CAMK2A: variants seen among roughly 807,000 people sequenced by gnomAD.
The protein encoded by CAMK2A is calcium/calmodulin-dependent protein kinase type II subunit alpha.
A neutral mutation model predicts 79.2 loss-of-function variants in CAMK2A; 7 were observed. The ratio of observed to expected loss-of-function variants is 0.09; its 90% CI spans 0.05 to 0.17. The LOEUF (loss-of-function observed/expected upper bound fraction) is 0.17. Among genes scored for constraint, CAMK2A ranks in the 10% least tolerant of loss-of-function variants. The pLI is 1.00. For missense variants in CAMK2A, 214 were observed against 646.4 expected (o/e 0.33, Z 7.25); for synonymous variants, 242 against 251.7 (o/e 0.96, Z 0.36).
chr5:150,245,789 C>A (rs1755542789), intron 12 of CAMK2A, among the ~76,000 whole-genome samples: 1 of 152,218 alleles, frequency 6.6e-6, no homozygotes, highest in African/African-American at 2.4e-5. Flanking sequence ...ACCTCAGACT[C>A]CAGAGCCCCA....
chr5:150,261,075 T>C (rs1756286601), intron 3 of CAMK2A, among the ~76,000 whole-genome samples: 1 of 141,520 alleles, frequency 7.1e-6, no homozygotes, highest in South Asian at 2.2e-4. Flanking sequence ...CCTCAGCCCC[T>C]TTAGAGAATG....
rs184139362 is a variant in CAMK2A at position 150,236,287 on chromosome 5, A to T, written c.1066+2413T>A. 9.2e-5 allele frequency among the ~76,000 whole-genome samples: 14 copies of T among 152,298 alleles called. No homozygotes were observed. The East Asian group carries it at 2.5e-3, about 27-fold the overall frequency. On this transcript the variant is annotated intron_variant, in intron 15 of 18. Coordinates refer to ENST00000671881, the MANE Select transcript of CAMK2A (RefSeq NM_015981.4). ...TATTCCAAATATTTCTCTCTCTAAC[A>T]TTTAAATTTGTCTTAAAATAATCTT...
chr5:150,289,084 A>G, intron 1 of CAMK2A, among the ~76,000 whole-genome samples: 1 of 152,168 alleles, frequency 6.6e-6, no homozygotes, highest in Non-Finnish European at 1.5e-5. Context: ...CTGTACAGTC[A>G]CTGTGGGTGT....
chr5:150,277,825 C>T (rs572828298), intron 1 of CAMK2A, among the ~76,000 whole-genome samples: 4 of 152,320 alleles, frequency 2.6e-5, no homozygotes, highest in African/African-American at 9.6e-5. Flanking sequence ...ACTAAGCACC[C>T]TTTTGATCCT....
chr5:150,267,434 A>C (rs1455832181), intron 2 of CAMK2A, among the ~76,000 whole-genome samples: 1 of 152,242 alleles, frequency 6.6e-6, no homozygotes, highest in Non-Finnish European at 1.5e-5. Flanking sequence ...AGGAGCAGAG[A>C]ATATTGACAG....
chr5:150,221,167 T>A lies in CAMK2A; in HGVS notation c.*1543A>T, dbSNP rs1754288169. 1 of 338,658 alleles carries A rather than the reference T, an allele frequency of 3.0e-6. No homozygotes were observed. Among genetic ancestry groups the A allele is most frequent in the Non-Finnish European group, 5.3e-6 (1 of 189,034 alleles). The allele number at this position is 338,658 out of a possible 1,614,324, so 21.0% of individuals were successfully genotyped here. A position where few individuals can be genotyped will look rare whatever the true frequency, so the allele number is the denominator to read the frequency against. ...CATGTAGATTGGTTTTGTTGAGTGTTTTCTTCTTTTTGTTTGTTTTCAACA... is the reference window on the plus strand; with the variant it reads ...CATGTAGATTGGTTTTGTTGAGTGTATTCTTCTTTTTGTTTGTTTTCAACA... On this transcript the variant is annotated 3_prime_UTR_variant, in exon 19 of 19. Transcript: ENST00000671881.
At position 150,256,494 on chromosome 5, in the gene CAMK2A, G is replaced by T; in HGVS notation, c.411+79C>A. Reference sequence around the variant, plus strand: ...GAGAAATTAAAGCGATTCTGATAATGTCCAGCTCTGCAGGATTAGGGACGT... The same window carrying T: ...GAGAAATTAAAGCGATTCTGATAATTTCCAGCTCTGCAGGATTAGGGACGT... On this transcript the variant is annotated intron_variant, in intron 6 of 18. Coordinates refer to ENST00000671881, the MANE Select transcript of CAMK2A (RefSeq NM_015981.4). This position sits in a 1 kb window ranked among gnomAD's most constrained non-coding sequence, Gnocchi z 4.6. 1 of 941,846 alleles carries T rather than the reference G, an allele frequency of 1.1e-6. No individual in the cohort carries two copies. The highest frequency in any genetic ancestry group is 1.7e-6 in the Non-Finnish European group (1 of 585,764). 58.3% of individuals were successfully genotyped at this position (941,846 alleles called of 1,614,324 possible). A position where few individuals can be genotyped will look rare whatever the true frequency, so the allele number is the denominator to read the frequency against.
intron 12 of CAMK2A, among the ~76,000 whole-genome samples, chr5:150,247,475 A>C (rs1270027821): frequency 2.0e-5 from 3 of 152,176 alleles, no homozygotes; most frequent in East Asian, 1.9e-4. Context: ...AATCCCCTGC[A>C]ATCAGAAGCC....
intron 1 of CAMK2A, among the ~76,000 whole-genome samples, chr5:150,277,622 C>T (rs971697487): frequency 7.2e-5 from 11 of 152,238 alleles, no homozygotes; most frequent in African/African-American, 2.7e-4. Context: ...TGTGGGGACC[C>T]TGAACCCCTT....
intron 1 of CAMK2A, among the ~76,000 whole-genome samples, chr5:150,283,455 T>C (rs1373092625): frequency 6.6e-6 from 1 of 152,024 alleles, no homozygotes; most frequent in African/African-American, 2.4e-5. Context: ...GCTCATTGCA[T>C]CCTCAGACTC....
Position 150,220,223 on chromosome 5 carries a change from G to A in CAMK2A, c.*2487C>T, listed in dbSNP as rs1265864439. 2.0e-5 allele frequency: 3 copies of A among 152,310 alleles called. No homozygotes were observed. Among genetic ancestry groups the A allele is most frequent in the Non-Finnish European group, 2.9e-5 (2 of 68,076 alleles). 9.4% of individuals were successfully genotyped at this position (152,310 alleles called of 1,614,324 possible). A position where few individuals can be genotyped will look rare whatever the true frequency, so the allele number is the denominator to read the frequency against. ...AAGCTCCAAAGAGGGAAAGGAACTTGCCCAAGGTCACACAGCAAGTCTGGT... is the reference window on the plus strand; with the variant it reads ...AAGCTCCAAAGAGGGAAAGGAACTTACCCAAGGTCACACAGCAAGTCTGGT... On this transcript the variant is annotated 3_prime_UTR_variant, in exon 19 of 19. Coordinates refer to ENST00000671881, the MANE Select transcript of CAMK2A (RefSeq NM_015981.4).
chr5:150,247,950 C>T, intron 11 of CAMK2A, 136 bp from the exon 12 acceptor site: 3 of 707,746 alleles, frequency 4.2e-6, no homozygotes, highest in Middle Eastern at 3.7e-4. Context: ...CTCTGCCCTG[C>T]CCCTCCATTT....
At chr5:150,227,429 C>A (rs1056213146) in intron 17 of CAMK2A, among the ~76,000 whole-genome samples, 2 of 152,280 alleles carry the variant, frequency 1.3e-5, no homozygotes, top group African/African-American at 4.8e-5. Context: ...CTCAGTGGTA[C>A]ACGCCCTTGA....
chr5:150,280,835 C>T (rs1488794616), intron 1 of CAMK2A, among the ~76,000 whole-genome samples: 1 of 152,218 alleles, frequency 6.6e-6, no homozygotes, highest in African/African-American at 2.4e-5. Flanking sequence ...TATTGCTGCT[C>T]CCGGCCTCTT....
intron 17 of CAMK2A, among the ~76,000 whole-genome samples, chr5:150,225,330 G>A (rs1754549593): frequency 6.6e-6 from 1 of 152,162 alleles, no homozygotes; most frequent in Non-Finnish European, 1.5e-5. Context: ...TGCATAGGGT[G>A]GGAGAGAACC....
In CAMK2A at chr5:150,221,320, G is replaced by C. The variant is rs1258521375; in HGVS notation, c.*1390C>G. The C allele has an allele frequency of 1.3e-5, 5 of 397,668 alleles. No individual in the cohort carries two copies. The highest frequency in any genetic ancestry group is 2.2e-5 in the Non-Finnish European group (5 of 225,910). 24.6% of individuals were successfully genotyped at this position (397,668 alleles called of 1,614,324 possible). On this transcript the variant is annotated 3_prime_UTR_variant, in exon 19 of 19. Transcript: ENST00000671881. ...AAAGAGGAAAAGAAAGAGAGAATGC[G>C]AACCCGAGGCTGCAGGATGAGGCAT...
chr5:150,256,475 T>G lies in CAMK2A; in HGVS notation c.411+98A>C, dbSNP rs955402379. 1.2e-6 allele frequency: 1 copy of G among 804,724 alleles called. No homozygotes were observed. The highest frequency in any genetic ancestry group is 1.7e-5 in the African/African-American group (1 of 58,672). 49.8% of individuals were successfully genotyped at this position (804,724 alleles called of 1,614,324 possible). ...CACCTTCCAGCCTAACACAGAGAAA[T>G]TAAAGCGATTCTGATAATGTCCAGC... is the stretch of plus-strand genomic sequence containing the variant. On this transcript the variant is annotated intron_variant, in intron 6 of 18. Coordinates refer to ENST00000671881, the MANE Select transcript of CAMK2A (RefSeq NM_015981.4). This position sits in a 1 kb window ranked among gnomAD's most constrained non-coding sequence, Gnocchi z 4.6.
intron 15 of CAMK2A, among the ~76,000 whole-genome samples, chr5:150,233,718 T>C (rs1201857054): frequency 6.6e-6 from 1 of 152,224 alleles, no homozygotes; most frequent in Non-Finnish European, 1.5e-5. Context: ...TGATCACCTG[T>C]GCCCTCCTTC....
chr5:150,287,930 A>C (rs1757491816), intron 1 of CAMK2A, among the ~76,000 whole-genome samples: 1 of 140,738 alleles, frequency 7.1e-6, no homozygotes, highest in Non-Finnish European at 1.5e-5. Flanking sequence ...TGCCTGTAGG[A>C]TAGCCTCTGT....
Sources: gnomAD v4.1 joint callset for allele counts (sites outside exome capture counted in the v4.1 genomes callset) on GRCh38, gnomAD v4.1.1 for gene constraint, Gnocchi (gnomAD v3.1) non-coding constraint, MANE v1.5 for transcripts, NCBI Gene and HGNC (gene_info 2026-07-23, HGNC 2026-07-21) for gene names.